The following FGF14 variants were observed in gnomAD, a reference collection of about 807,000 sequenced individuals.
FGF14 encodes fibroblast growth factor homologous factor 4.
FGF14 carries 5 observed loss-of-function variants against 25.5 expected under a neutral mutation model. The observed-to-expected ratio is 0.20, with a 90% CI of 0.10 to 0.41. FGF14 has a LOEUF of 0.41. FGF14 is among the 10% of genes least tolerant of loss of function. FGF14 has a pLI of 1.00. For synonymous variants in FGF14, 138 were observed against 118.3 expected, an observed-to-expected ratio of 1.17 and a Z score of -1.08; for missense variants, 222 against 320.1, an observed-to-expected ratio of 0.69 and a Z score of 2.34.
At chr13:101,995,038 TTTAAA>T (rs2039106864) in intron 1 of FGF14, among the ~76,000 whole-genome samples, 1 of 152,160 alleles carries the variant, frequency 6.6e-6, no homozygotes. Flanking sequence ...ATTTTTCTAC[TTTAAA>T]TTATTTCTTA....
In FGF14 at chr13:102,163,364, T is replaced by C. The variant is rs114041296; in HGVS notation, c.208+238107A>G. Among the ~76,000 whole-genome samples, 860 of 152,182 alleles carry C rather than the reference T, an allele frequency of 5.7e-3. 10 individuals are homozygous for C. Among genetic ancestry groups the C allele is most frequent in the African/African-American group, 0.019 (773 of 41,536 alleles). ...GAGGGGTTTTCCTACTTCTCTTCCA[T>C]AGAGGAAGGATTTATTAAGCACCAG... is the stretch of plus-strand genomic sequence containing the variant. On this transcript the variant is annotated intron_variant, in intron 1 of 4. Transcript: ENST00000376131.
At chr13:101,892,178 A>AT (rs917211382) in intron 1 of FGF14, among the ~76,000 whole-genome samples, 12 of 152,064 alleles carry the variant, frequency 7.9e-5, no homozygotes, top group East Asian at 3.9e-4. Context: ...CATCTTTTCA[A>AT]TTTTTTTTGA....
intron 3 of FGF14, among the ~76,000 whole-genome samples, chr13:101,831,171 A>G (rs1434001257): frequency 6.6e-6 from 1 of 152,080 alleles, no homozygotes. Context: ...ATTTTTTGAG[A>G]ATGAAATGAA....
At chr13:101,891,659 C>A (rs1214823746) in intron 1 of FGF14, among the ~76,000 whole-genome samples, 1 of 151,970 alleles carries the variant, frequency 6.6e-6, no homozygotes, top group Non-Finnish European at 1.5e-5. Flanking sequence ...TGTAAATACA[C>A]AAATCTATAT....
intron 1 of FGF14, among the ~76,000 whole-genome samples, chr13:101,914,126 C>G (rs555135939): frequency 6.6e-6 from 1 of 151,556 alleles, no homozygotes; most frequent in African/African-American, 2.4e-5. Flanking sequence ...GGGCAATTCC[C>G]TATGTAAAGA....
chr13:102,116,032 C>T (rs495031), intron 1 of FGF14, among the ~76,000 whole-genome samples: 80,794 of 151,890 alleles, frequency 0.53, 22,879 homozygotes, highest in East Asian at 0.75. Context: ...ATTGCTTGAA[C>T]CCAGGAGGCA....
chr13:102,035,187 T>C (rs2041409169), intron 1 of FGF14, among the ~76,000 whole-genome samples: 1 of 152,094 alleles, frequency 6.6e-6, no homozygotes, highest in Non-Finnish European at 1.5e-5. Context: ...TTAACAAAAT[T>C]CATATCAGAA....
chr13:102,129,395 T>C (rs911172562), intron 1 of FGF14, among the ~76,000 whole-genome samples: 10 of 152,318 alleles, frequency 6.6e-5, no homozygotes, highest in African/African-American at 2.4e-4. Context: ...CAGTTTTACA[T>C]GTTTAGAAGA....
At chr13:102,108,917 T>C (rs1195153697) in intron 1 of FGF14, among the ~76,000 whole-genome samples, 1 of 152,214 alleles carries the variant, frequency 6.6e-6, no homozygotes, top group Non-Finnish European at 1.5e-5. Flanking sequence ...TTTATACGTA[T>C]AATGTCAAAG....
intron 1 of FGF14, among the ~76,000 whole-genome samples, chr13:102,192,184 G>T (rs1383509226): frequency 6.6e-6 from 1 of 152,138 alleles, no homozygotes; most frequent in African/African-American, 2.4e-5. Context: ...ATTGCCTTTG[G>T]GGTCACTACT....
intron 3 of FGF14, among the ~76,000 whole-genome samples, chr13:101,814,443 T>C (rs984534594): frequency 1.3e-5 from 2 of 152,262 alleles, no homozygotes; most frequent in Non-Finnish European, 2.9e-5. Flanking sequence ...TTTTACGCCA[T>C]AAAATTTACC....
At chr13:102,048,836 C>A (rs183681908) in intron 1 of FGF14, among the ~76,000 whole-genome samples, 1 of 152,284 alleles carries the variant, frequency 6.6e-6, no homozygotes. Flanking sequence ...TTTGCTTCCC[C>A]AGCTATGGAG....
chr13:101,927,911 G>A (rs576892056), intron 1 of FGF14, among the ~76,000 whole-genome samples: 3 of 152,282 alleles, frequency 2.0e-5, no homozygotes, highest in African/African-American at 7.2e-5. Flanking sequence ...AATAGTCCCA[G>A]GTTCTGGACT....
intron 1 of FGF14, among the ~76,000 whole-genome samples, chr13:102,216,661 C>T (rs1403082781): frequency 2.0e-5 from 3 of 152,034 alleles, no homozygotes; most frequent in Non-Finnish European, 4.4e-5. Context: ...GTGATCAGAA[C>T]ATTCTAAAAC....
In FGF14 at chr13:101,749,346, T is replaced by C. The variant is rs531824233; in HGVS notation, c.409-22536A>G. ...GACAGTAATAAAAAGGAATGAACTATTGATACATGCAGCAACATGTATAAA... is the reference window on the plus strand; with the variant it reads ...GACAGTAATAAAAAGGAATGAACTACTGATACATGCAGCAACATGTATAAA... On this transcript the variant is annotated intron_variant, in intron 3 of 4. Coordinates refer to ENST00000376143, the MANE Select transcript of FGF14 (RefSeq NM_004115.4). 3.3e-5 allele frequency among the ~76,000 whole-genome samples: 5 copies of C among 152,150 alleles called. No individual in the cohort carries two copies. The South Asian group carries it at 6.2e-4, about 19-fold the overall frequency.
chr13:101,727,291 A>C (rs2035502608), intron 3 of FGF14, among the ~76,000 whole-genome samples: 1 of 152,122 alleles, frequency 6.6e-6, no homozygotes. Flanking sequence ...ACAAAGGAAC[A>C]AACTGAAACC....
chr13:102,111,381 C>A (rs917190550), intron 1 of FGF14, among the ~76,000 whole-genome samples: 1 of 152,176 alleles, frequency 6.6e-6, no homozygotes, highest in Admixed American at 6.5e-5. Context: ...TTAAGGATAG[C>A]TGCAATACTA....
chr13:101,764,125 C>T (rs375865477), intron 3 of FGF14, among the ~76,000 whole-genome samples: 3 of 152,228 alleles, frequency 2.0e-5, no homozygotes, highest in South Asian at 4.2e-4. Context: ...GAATTGTTGG[C>T]ACTGAGTGGA....
chr13:101,964,790 T>A (rs1253000993), intron 1 of FGF14, among the ~76,000 whole-genome samples: 1 of 152,204 alleles, frequency 6.6e-6, no homozygotes, highest in Non-Finnish European at 1.5e-5. Flanking sequence ...GCAAGCTTCA[T>A]AAGCCAATGT....
Sources: gnomAD v4.1 joint callset for allele counts (sites outside exome capture counted in the v4.1 genomes callset) on GRCh38, gnomAD v4.1.1 for gene constraint, MANE v1.5 for transcripts, NCBI Gene and HGNC (gene_info 2026-07-23, HGNC 2026-07-21) for gene names.